Variants in SCOC observed in about 807,000 individuals in gnomAD.
The protein encoded by SCOC is short coiled-coil protein, also known as short coiled coil protein.
SCOC carries 7 observed loss-of-function variants against 9.9 expected under a neutral mutation model. The observed-to-expected ratio is 0.71, with a 90% CI of 0.40 to 1.33. SCOC has a LOEUF of 1.33. Among genes scored for constraint, SCOC ranks in the 40% most tolerant of loss-of-function variants. The probability of loss-of-function intolerance (pLI) is 0.01; values close to 1 mark genes in which losing one functional copy is unlikely to be tolerated. For missense variants in SCOC, 66 were observed against 89.7 expected (o/e 0.74, Z 1.07); for synonymous variants, 19 against 28.2 (o/e 0.67, Z 1.03).
chr4:140,271,932 G>A (rs1006798658), intron 1 of SCOC, among the ~76,000 whole-genome samples: 6 of 152,252 alleles, frequency 3.9e-5, no homozygotes, highest in South Asian at 2.1e-4. Context: ...ATGAACGGGC[G>A]CCTGTCTGTG....
At chr4:140,272,413 A>G (rs1730866882) in intron 1 of SCOC, among the ~76,000 whole-genome samples, 1 of 152,168 alleles carries the variant, frequency 6.6e-6, no homozygotes, top group Admixed American at 6.5e-5. Context: ...TTAATAATGC[A>G]CATTACTGGG....
intron 2 of SCOC, chr4:140,362,954 C>G (rs973764345): frequency 6.6e-6 from 1 of 152,172 alleles, no homozygotes; most frequent in African/African-American, 2.4e-5. Context: ...GCCAAGAATA[C>G]AGTCAACCCA....
chr4:140,329,205 C>T (rs1732737805), intron 1 of SCOC, among the ~76,000 whole-genome samples: 1 of 152,128 alleles, frequency 6.6e-6, no homozygotes, highest in African/African-American at 2.4e-5. Flanking sequence ...GGGAAAAGGA[C>T]ACCCTATTCA....
chr4:140,362,301 T>TC, intron 2 of SCOC, among the ~76,000 whole-genome samples: 7,032 of 29,130 alleles, frequency 0.24, 1,327 homozygotes, highest in East Asian at 0.48. Flanking sequence ...TTCTTCTTCT[T>TC]TTTTTTTTTT....
intron 1 of SCOC, among the ~76,000 whole-genome samples, chr4:140,301,259 C>T (rs748598135): frequency 3.3e-5 from 5 of 152,098 alleles, no homozygotes; most frequent in Non-Finnish European, 5.9e-5. Flanking sequence ...AAGTTCTAAA[C>T]CAGTAAGGTG....
intron 1 of SCOC, among the ~76,000 whole-genome samples, chr4:140,263,231 T>A (rs994487248): frequency 2.0e-5 from 3 of 152,234 alleles, no homozygotes; most frequent in African/African-American, 7.2e-5. Context: ...AAAGACCTTG[T>A]GACTTATGTT....
rs1341490007 is a variant in SCOC at position 140,297,687 on chromosome 4, GA to G, written c.-19+40279del. 6.6e-5 allele frequency among the ~76,000 whole-genome samples: 10 copies of G among 152,108 alleles called. No homozygotes were observed. In the East Asian group the frequency reaches 1.9e-3, roughly 29 times the overall value. On this transcript the variant is annotated intron_variant, in intron 1 of 4. Transcript: ENST00000394205. ...AGTGACTAATAAGGTGAACATTACT[GA>G]ATAGTATGTGTATGATCAGAGGAAA...
intron 1 of SCOC, among the ~76,000 whole-genome samples, chr4:140,298,858 C>G (rs1731727658): frequency 6.6e-6 from 1 of 152,148 alleles, no homozygotes; most frequent in African/African-American, 2.4e-5. Flanking sequence ...CTCTGTCACC[C>G]AGGCTGGAAT....
rs1349284998 is a variant in SCOC, at chr4:140,381,211, A to G, written c.*107A>G. ...ACCTTTGTGGCTTCATTGAATATTT[A>G]TGAAGATAATGTCAGATGTAGACAA... On this transcript the variant is annotated 3_prime_UTR_variant, in exon 4 of 4. Coordinates refer to ENST00000608372, the MANE Select transcript of SCOC (RefSeq NM_001153484.2). 7.4e-6 allele frequency: 8 copies of G among 1,077,550 alleles called. No individual in the cohort carries two copies. The highest frequency in any genetic ancestry group is 1.1e-5 in the Non-Finnish European group (8 of 761,596). 66.7% of individuals were successfully genotyped at this position (1,077,550 alleles called of 1,614,324 possible). A position where few individuals can be genotyped will look rare whatever the true frequency, so the allele number is the denominator to read the frequency against.
intron 1 of SCOC, chr4:140,293,573 G>C (rs1731539196): frequency 2.8e-6 from 1 of 363,302 alleles, no homozygotes; most frequent in African/African-American, 2.1e-5. Flanking sequence ...GGTAAGTCTT[G>C]GCCAGGCCAA....
chr4:140,310,777 C>T (rs1217477874), intron 1 of SCOC, among the ~76,000 whole-genome samples: 1 of 152,110 alleles, frequency 6.6e-6, no homozygotes, highest in African/African-American at 2.4e-5. Context: ...TTCGGATCTC[C>T]CCCCGAGGGT....
intron 1 of SCOC, among the ~76,000 whole-genome samples, chr4:140,262,564 A>G (rs1027751407): frequency 6.6e-6 from 1 of 152,126 alleles, no homozygotes; most frequent in East Asian, 1.9e-4. Context: ...GTTGGGCTCA[A>G]TGATAGTGGC....
intron 1 of SCOC, among the ~76,000 whole-genome samples, chr4:140,292,839 G>A (rs1731514970): frequency 6.6e-6 from 1 of 152,198 alleles, no homozygotes; most frequent in Non-Finnish European, 1.5e-5. Context: ...AGGGTCTCAT[G>A]TTTCCCCAAC....
At position 140,384,784 on chromosome 4, in the gene SCOC, T is replaced by C. The variant is rs1184568456; in HGVS notation, c.*3680T>C. On this transcript the variant is annotated 3_prime_UTR_variant, in exon 4 of 4. Coordinates refer to ENST00000608372, the MANE Select transcript of SCOC (RefSeq NM_001153484.2). ...GGAAAAATCAGCATACTCCTTGTTA[T>C]GGACTGAATGTGTCCTCCCAAAATT... 2.0e-5 allele frequency: 3 copies of C among 152,198 alleles called. No homozygotes were observed. Among genetic ancestry groups the C allele is most frequent in the Non-Finnish European group, 2.9e-5 (2 of 68,028 alleles). 9.4% of individuals were successfully genotyped at this position (152,198 alleles called of 1,614,324 possible).
chr4:140,289,922 C>A (rs1183930993), intron 1 of SCOC, among the ~76,000 whole-genome samples: 2 of 152,194 alleles, frequency 1.3e-5, no homozygotes, highest in African/African-American at 4.8e-5. Flanking sequence ...ACACCCATTA[C>A]TTTTAGTGGG....
intron 1 of SCOC, among the ~76,000 whole-genome samples, chr4:140,258,234 TGATGA>T (rs1730553704): frequency 6.6e-6 from 1 of 152,202 alleles, no homozygotes; most frequent in Non-Finnish European, 1.5e-5. Flanking sequence ...TTTCTGGCTG[TGATGA>T]GATGTTTATT....
intron 3 of SCOC, among the ~76,000 whole-genome samples, chr4:140,380,194 C>CTTTT (rs993271002): frequency 2.2e-4 from 24 of 108,414 alleles, no homozygotes; most frequent in Non-Finnish European, 2.8e-4. Flanking sequence ...TTTTCTTTTT[C>CTTTT]TTTTTTTTTT....
At chr4:140,296,825 G>C (rs1307433149) in intron 1 of SCOC, among the ~76,000 whole-genome samples, 1 of 151,658 alleles carries the variant, frequency 6.6e-6, no homozygotes, top group Non-Finnish European at 1.5e-5. Flanking sequence ...AAGACTGGGC[G>C]TTGTTTTCTT....
chr4:140,349,397 A>G (rs1385884928), intron 2 of SCOC, among the ~76,000 whole-genome samples: 2 of 152,234 alleles, frequency 1.3e-5, no homozygotes, highest in Admixed American at 6.5e-5. Flanking sequence ...TTTAAAAACA[A>G]TAGCATAGAG....
Sources: allele counts gnomAD v4.1 joint callset (sites outside exome capture counted in the v4.1 genomes callset), GRCh38; gene constraint gnomAD v4.1.1; transcripts MANE v1.5; gene names NCBI Gene and HGNC (gene_info 2026-07-23, HGNC 2026-07-21).